CDC73: variants seen among roughly 807,000 people sequenced by gnomAD.
CDC73 encodes the protein parafibromin.
A neutral mutation model predicts 83.7 loss-of-function variants in CDC73; 21 were observed. The ratio of observed to expected loss-of-function variants is 0.25; its 90% CI spans 0.18 to 0.36. The LOEUF (loss-of-function observed/expected upper bound fraction) is 0.36, where lower values mean the gene tolerates loss of function less well. Ranked by LOEUF, CDC73 falls within the 10% of genes least tolerant of loss-of-function variation. CDC73 has a pLI of 1.00. For synonymous variants in CDC73, 224 were observed against 212.9 expected (o/e 1.05, Z -0.45); for missense variants, 342 against 653.3 (o/e 0.52, Z 5.19).
chr1:193,124,970 A>G, intron 1 of CDC73, 142 bp from the exon 2 acceptor site: 1 of 670,340 alleles, frequency 1.5e-6, no homozygotes, highest in Admixed American at 2.3e-5. Context: ...ATGACAGTCT[A>G]TTCATTATTA....
chr1:193,224,431 T>C (rs1677527554), intron 13 of CDC73, among the ~76,000 whole-genome samples: 1 of 152,110 alleles, frequency 6.6e-6, no homozygotes, highest in Non-Finnish European at 1.5e-5. Flanking sequence ...CATTCACATA[T>C]ACACATATGA....
intron 10 of CDC73, among the ~76,000 whole-genome samples, chr1:193,158,344 A>C (rs2103138168): frequency 6.7e-6 from 1 of 149,766 alleles, no homozygotes; most frequent in Admixed American, 6.8e-5. Flanking sequence ...CTTAGAAAGA[A>C]ATGTAATTTC....
intron 1 of CDC73, among the ~76,000 whole-genome samples, chr1:193,123,232 ATT>A (rs1675497575): frequency 1.3e-5 from 2 of 152,040 alleles, no homozygotes; most frequent in Non-Finnish European, 2.9e-5. Context: ...GTTGGTATTT[ATT>A]TATTTATTTT....
At chr1:193,184,889 G>A (rs1257354559) in intron 10 of CDC73, among the ~76,000 whole-genome samples, 4 of 151,886 alleles carry the variant, frequency 2.6e-5, no homozygotes, top group Non-Finnish European at 4.4e-5. Flanking sequence ...TTTGCCTTTT[G>A]TGATTATTAG....
At chr1:193,227,222 A>AT (rs941595191) in intron 13 of CDC73, among the ~76,000 whole-genome samples, 3 of 151,340 alleles carry the variant, frequency 2.0e-5, no homozygotes, top group African/African-American at 7.3e-5. Flanking sequence ...TATCTTTTCT[A>AT]TTTTTTTATT....
chr1:193,195,844 T>A (rs931409218), intron 10 of CDC73, among the ~76,000 whole-genome samples: 2 of 152,178 alleles, frequency 1.3e-5, no homozygotes, highest in African/African-American at 4.8e-5. Flanking sequence ...ATATTTAAAT[T>A]GGCTGGTTTG....
At chr1:193,227,512 A>G (rs1185484966) in intron 13 of CDC73, among the ~76,000 whole-genome samples, 1 of 152,124 alleles carries the variant, frequency 6.6e-6, no homozygotes, top group Non-Finnish European at 1.5e-5. Flanking sequence ...TGGAAACCTG[A>G]AGTCTGTTAG....
intron 10 of CDC73, among the ~76,000 whole-genome samples, chr1:193,162,147 A>C (rs551058136): frequency 0.017 from 611 of 36,236 alleles, 5 homozygotes; most frequent in African/African-American, 0.069. Flanking sequence ...TATATATTAT[A>C]TATTATCTAT....
At chr1:193,160,072 A>AT (rs1460918402) in intron 10 of CDC73, among the ~76,000 whole-genome samples, 1 of 152,188 alleles carries the variant, frequency 6.6e-6, no homozygotes, top group East Asian at 1.9e-4. Context: ...TGGTTGATAC[A>AT]TTTTGTGTAA....
intron 6 of CDC73, chr1:193,140,986 G>T (rs1014861670): frequency 3.9e-5 from 6 of 152,092 alleles, no homozygotes; most frequent in Non-Finnish European, 7.3e-5. Flanking sequence ...CTACTATAAA[G>T]TACCTTCATA....
At chr1:193,122,901 G>T (rs1675486956) in intron 1 of CDC73, among the ~76,000 whole-genome samples, 4 of 152,200 alleles carry the variant, frequency 2.6e-5, no homozygotes, top group Admixed American at 2.6e-4. Flanking sequence ...GTCTGTGTTA[G>T]AGAGGTCTTC....
chr1:193,146,474 GAAGCAAGCAAGC>G (rs201981048), intron 7 of CDC73, among the ~76,000 whole-genome samples: 6,439 of 150,900 alleles, frequency 0.043, 129 homozygotes, highest in Middle Eastern at 0.048. Flanking sequence ...GCAGAAGGCA[GAAGCAAGCAAGC>G]AAGCAAGCAA....
At chr1:193,209,995 A>G (rs570395017) in intron 11 of CDC73, among the ~76,000 whole-genome samples, 87 of 152,186 alleles carry the variant, frequency 5.7e-4, no homozygotes, top group Non-Finnish European at 1.1e-3. Context: ...ACAAATGCCA[A>G]ATATTTACCG....
At chr1:193,215,425 G>A (rs939649983) in intron 13 of CDC73, among the ~76,000 whole-genome samples, 2 of 152,174 alleles carry the variant, frequency 1.3e-5, no homozygotes, top group East Asian at 1.9e-4. Context: ...TTGCAGAGCA[G>A]GAAATACAAC....
chr1:193,148,792 A>G (rs776584901), intron 8 of CDC73, among the ~76,000 whole-genome samples: 89 of 151,504 alleles, frequency 5.9e-4, no homozygotes, highest in Admixed American at 1.1e-3. Flanking sequence ...TTACAGGCGC[A>G]TGCCACCCCA....
At chr1:193,184,919 G>T (rs1335920956) in intron 10 of CDC73, among the ~76,000 whole-genome samples, 1 of 151,886 alleles carries the variant, frequency 6.6e-6, no homozygotes, top group African/African-American at 2.4e-5. Context: ...GAGTTGTGTT[G>T]TGAAATTGAG....
At chr1:193,212,034 A>G (rs773258417) in intron 11 of CDC73, 31 bp from the exon 12 acceptor site, 213 of 1,536,508 alleles carry the variant, frequency 1.4e-4, no homozygotes, top group Non-Finnish European at 1.8e-4. Context: ...TTTTTATGAC[A>G]CAGAGTTGTG....
chr1:193,132,835 T>C (rs963170519), intron 3 of CDC73, among the ~76,000 whole-genome samples: 3 of 151,952 alleles, frequency 2.0e-5, no homozygotes. Context: ...GAGCAAATGA[T>C]TTTTCTTTTT....
chr1:193,135,662 C>A, intron 5 of CDC73, 73 bp downstream of exon 5: 1 of 1,238,004 alleles, frequency 8.1e-7, no homozygotes, highest in South Asian at 1.3e-5. Flanking sequence ...AACAAGGATT[C>A]TTTGATTGCA....
Sources: gnomAD v4.1 joint callset for allele counts (sites outside exome capture counted in the v4.1 genomes callset) on GRCh38, gnomAD v4.1.1 for gene constraint, MANE v1.5 for transcripts, NCBI Gene and HGNC (gene_info 2026-07-23, HGNC 2026-07-21) for gene names.